Variants in ARHGEF33 observed in about 807,000 individuals in gnomAD.
The protein encoded by ARHGEF33 is DH and coiled-coil domain-containing protein ENSP00000381780.
A neutral mutation model predicts 101.9 loss-of-function variants in ARHGEF33; 72 were observed. That is an observed-to-expected ratio of 0.71 (90% CI 0.58 to 0.86). The LOEUF is 0.86. Among genes scored for constraint, ARHGEF33 ranks in the 40% least tolerant of loss-of-function variants. The probability of loss-of-function intolerance (pLI) is 0.00; values close to 1 mark genes in which losing one functional copy is unlikely to be tolerated. For synonymous variants in ARHGEF33, 499 were observed against 442.5 expected, an observed-to-expected ratio of 1.13 and a Z score of -1.60; for missense variants, 1,169 against 1,111.3, an observed-to-expected ratio of 1.05 and a Z score of -0.74.
chr2:38,923,353 A>C (rs990065703), intron 4 of ARHGEF33, among the ~76,000 whole-genome samples: 5 of 152,174 alleles, frequency 3.3e-5, no homozygotes, highest in African/African-American at 1.2e-4. Flanking sequence ...GAGAAAGAGA[A>C]AGGAGGGAAG....
chr2:38,953,372 A>T (rs1667660683), intron 12 of ARHGEF33, 127 bp downstream of exon 12: 1 of 628,196 alleles, frequency 1.6e-6, no homozygotes, highest in Admixed American at 2.5e-5. Context: ...GAACACAGCC[A>T]CTAATACCAC....
chr2:38,957,062 G>T lies in ARHGEF33; in HGVS notation c.1370+15G>T. 2 of 1,551,600 alleles carry T rather than the reference G, an allele frequency of 1.3e-6. No homozygotes were observed. Among genetic ancestry groups the T allele is most frequent in the East Asian group, 4.9e-5 (2 of 40,914 alleles). ...AAGCTCAAGAAGTAAGGTTCTGATG[G>T]TGTGGTCTAGAGGGTCGAAGACCAG... On this transcript the variant is annotated intron_variant, in intron 14 of 17. Coordinates refer to ENST00000409978, the MANE Select transcript of ARHGEF33 (RefSeq NM_001145451.5).
intron 4 of ARHGEF33, among the ~76,000 whole-genome samples, chr2:38,923,341 A>G (rs1666802758): frequency 6.6e-6 from 1 of 152,206 alleles, no homozygotes. Context: ...AAGAAAGAAG[A>G]AGAGAAAGAG....
chr2:38,959,784 G>A (rs749717762), intron 15 of ARHGEF33, 57 bp from the exon 16 acceptor site: 13 of 1,466,996 alleles, frequency 8.9e-6, no homozygotes, highest in Non-Finnish European at 1.2e-5. Context: ...GCAGGCGAGA[G>A]GCCTGCACTA....
chr2:38,967,664 C>T (rs1263617586), intron 17 of ARHGEF33, among the ~76,000 whole-genome samples: 49 of 152,100 alleles, frequency 3.2e-4, no homozygotes, highest in Admixed American at 3.2e-3. Context: ...CAGCCTCTGC[C>T]TCCCAGGTTC....
chr2:38,911,598 T>G (rs1483711303), intron 2 of ARHGEF33, among the ~76,000 whole-genome samples: 1 of 152,206 alleles, frequency 6.6e-6, no homozygotes, highest in Non-Finnish European at 1.5e-5. Flanking sequence ...TAAAAAAATT[T>G]TTCTGAATTA....
At chr2:38,934,688 C>A (rs975833041) in intron 7 of ARHGEF33, among the ~76,000 whole-genome samples, 1 of 143,072 alleles carries the variant, frequency 7.0e-6, no homozygotes, top group African/African-American at 2.6e-5. Context: ...CTCCCTCCCT[C>A]CATCTCAGGC....
chr2:38,954,000 C>T lies in ARHGEF33; in HGVS notation c.1138-373C>T, dbSNP rs117904391. Among the ~76,000 whole-genome samples, 11 of 152,362 alleles carry T rather than the reference C, an allele frequency of 7.2e-5. No individual in the cohort carries two copies. The East Asian group carries it at 1.9e-3, about 27-fold the overall frequency. Reference sequence around the variant, plus strand: ...TCCATTGTCCTGAAGCGCCAAGTCTCCCTTAGAGCCTGTTACTACACCATT... The same window carrying T: ...TCCATTGTCCTGAAGCGCCAAGTCTTCCTTAGAGCCTGTTACTACACCATT... On this transcript the variant is annotated intron_variant, in intron 12 of 17. Transcript: ENST00000409978.
chr2:38,932,258 A>G (rs771602004), intron 7 of ARHGEF33, among the ~76,000 whole-genome samples: 2 of 151,866 alleles, frequency 1.3e-5, no homozygotes, highest in African/African-American at 2.4e-5. Flanking sequence ...CCTCCCAAGC[A>G]GCTGGGTCTA....
intron 2 of ARHGEF33, among the ~76,000 whole-genome samples, chr2:38,898,135 A>G (rs75456803): frequency 0.051 from 7,726 of 152,312 alleles, 288 homozygotes; most frequent in Non-Finnish European, 0.073. Flanking sequence ...GGATGATGGA[A>G]TAAGGTATAA....
intron 2 of ARHGEF33, among the ~76,000 whole-genome samples, chr2:38,896,360 A>G (rs59788371): frequency 0.022 from 3,315 of 151,760 alleles, 132 homozygotes; most frequent in African/African-American, 0.072. Context: ...CTGGTCTTGA[A>G]CTCCTGACTT....
intron 1 of ARHGEF33, among the ~76,000 whole-genome samples, chr2:38,894,424 A>AG (rs1413334498): frequency 3.5e-4 from 1 of 2,842 alleles, no homozygotes. Context: ...ATGCTGGGGG[A>AG]AAAAAAAAAA....
intron 16 of ARHGEF33, among the ~76,000 whole-genome samples, chr2:38,962,384 T>C (rs1667963616): frequency 6.6e-6 from 1 of 152,202 alleles, no homozygotes; most frequent in Non-Finnish European, 1.5e-5. Context: ...GTGAAAAATT[T>C]GGGGTTCAAC....
chr2:38,894,204 G>A (rs1190010683), intron 1 of ARHGEF33, among the ~76,000 whole-genome samples: 1 of 151,958 alleles, frequency 6.6e-6, no homozygotes, highest in Non-Finnish European at 1.5e-5. Flanking sequence ...ATGGTGGCAT[G>A]CACCTGTAGT....
At position 38,960,585 on chromosome 2, in the gene ARHGEF33, C is replaced by G. The variant is rs748155962; in HGVS notation, c.2280C>G (p.Ser760=). The G allele has an allele frequency of 7.2e-6, 10 of 1,383,068 alleles. No homozygotes were observed. The highest frequency in any genetic ancestry group is 4.1e-5 in the South Asian group (3 of 73,990). The allele number at this position is 1,383,068 out of a possible 1,614,324, so 85.7% of individuals were successfully genotyped here. Residue 760 remains serine (S), a synonymous_variant, in exon 16 of 18, where the codon TCC becomes TCG. Transcript: ENST00000409978. ...AAAAVAARGA[S]RTFFPQQRSQ... is the part of the protein sequence containing the mutation. ...CCGCCGTCGCCGCCCGCGGCGCATC[C>G]AGGACCTTCTTCCCCCAACAGAGGT...
Position 38,954,419 on chromosome 2 carries a change from T to C in ARHGEF33, c.1184T>C (p.Ile395Thr). ...GACATCTACACGTTGTTTTTTCACA[T>C]AGTCCAGCGCATCCCTGAATATCTG... ...KSDIYTLFFH[I>T]VQRIPEYLIH... The change falls in exon 13 of 18, where the codon ATA becomes ACA. Residue 395 changes from isoleucine (I) to threonine (T), a missense_variant. Coordinates refer to ENST00000409978, the MANE Select transcript of ARHGEF33 (RefSeq NM_001145451.5). 1.3e-6 allele frequency: 2 copies of C among 1,551,302 alleles called. No individual in the cohort carries two copies. Among genetic ancestry groups the C allele is most frequent in the Non-Finnish European group, 1.7e-6 (2 of 1,146,608 alleles).
In ARHGEF33 at chr2:38,959,984, C is replaced by T; in HGVS notation, c.1679C>T (p.Ala560Val). The change falls in exon 16 of 18, where the codon GCG becomes GTG. Residue 560 changes from alanine to valine, a missense_variant. Physicochemically the swap from Ala to Val is moderately conservative, Grantham distance 64. Transcript: ENST00000409978. ...CTTCTGGCACCGACGCAGTTCTGCG[C>T]GGCCGAGCAGGACGTGAAGGCGCTG... ...ESLLAPTQFC[A>V]AEQDVKALAG... 7 of 1,550,896 alleles carry T rather than the reference C, an allele frequency of 4.5e-6. No individual in the cohort carries two copies. Among genetic ancestry groups the T allele is most frequent in the Non-Finnish European group, 6.1e-6 (7 of 1,146,724 alleles).
intron 1 of ARHGEF33, among the ~76,000 whole-genome samples, chr2:38,893,392 T>A (rs1666049926): frequency 6.6e-6 from 1 of 152,124 alleles, no homozygotes; most frequent in Non-Finnish European, 1.5e-5. Flanking sequence ...ACTCCTGAGC[T>A]CAAGCGATTT....
In ARHGEF33 at chr2:38,971,625, G is replaced by C. The variant is rs530025530; in HGVS notation, c.2484-2089G>C. On this transcript the variant is annotated intron_variant, in intron 17 of 17. Coordinates refer to ENST00000409978, the MANE Select transcript of ARHGEF33 (RefSeq NM_001145451.5). ...GCCACGTATATGTAAGCGTTATAAAGAGGTCAGTTAAAATGGTCTTTACAA... is the reference window on the plus strand; with the variant it reads ...GCCACGTATATGTAAGCGTTATAAACAGGTCAGTTAAAATGGTCTTTACAA... Among the ~76,000 whole-genome samples, 44 of 152,310 alleles carry C rather than the reference G, an allele frequency of 2.9e-4. 1 individual carries two copies. Among genetic ancestry groups the C allele is most frequent in the African/African-American group, 9.4e-4 (39 of 41,564 alleles).
Sources: gnomAD v4.1 joint callset for allele counts (sites outside exome capture counted in the v4.1 genomes callset) on GRCh38, gnomAD v4.1.1 for gene constraint, MANE v1.5 for transcripts, NCBI Gene and HGNC (gene_info 2026-07-23, HGNC 2026-07-21) for gene names.